The following MSR1 variants were observed in gnomAD, a reference collection of about 807,000 sequenced individuals.
The protein encoded by MSR1 is macrophage scavenger receptor types I and II.
In MSR1, 53 loss-of-function variants were observed where a neutral mutation model predicts 47.2. That is an observed-to-expected ratio of 1.12 (90% confidence interval 0.90 to 1.41). The LOEUF is 1.41. Ranked by LOEUF, MSR1 falls within the 40% of genes most tolerant of loss-of-function variation. MSR1 has a pLI of 0.00. For synonymous variants in MSR1, 239 were observed against 185.6 expected (o/e 1.29, Z -2.34); for missense variants, 786 against 546.9 (o/e 1.44, Z -4.36).
intron 8 of MSR1, among the ~76,000 whole-genome samples, chr8:16,125,287 C>T (rs1282162789): frequency 6.6e-6 from 1 of 152,134 alleles, no homozygotes; most frequent in Non-Finnish European, 1.5e-5. Context: ...ACTTTCTCCC[C>T]TTGGGAAATC....
intron 7 of MSR1, among the ~76,000 whole-genome samples, chr8:16,148,451 G>A (rs1015373863): frequency 4.7e-5 from 7 of 150,532 alleles, no homozygotes; most frequent in East Asian, 3.9e-4. Context: ...GCTGCTTTAC[G>A]TAGAATTTCT....
At chr8:16,168,892 A>C (rs751025236) in intron 3 of MSR1, 22 bp from the exon 4 acceptor site, 6 of 1,607,798 alleles carry the variant, frequency 3.7e-6, no homozygotes, top group South Asian at 1.1e-5. Flanking sequence ...AGTAAAAATA[A>C]ACCAGTCATG....
At chr8:16,139,470 TA>T in intron 8 of MSR1, 1 of 982,282 alleles carries the variant, frequency 1.0e-6, no homozygotes, top group Non-Finnish European at 1.2e-6. Flanking sequence ...GCATACCATC[TA>T]GAGTTCTACT....
intron 1 of MSR1, among the ~76,000 whole-genome samples, chr8:16,181,860 T>C (rs1489976053): frequency 6.6e-6 from 1 of 152,022 alleles, no homozygotes; most frequent in Admixed American, 6.6e-5. Context: ...TATGTACTAA[T>C]GCTTTTTAAC....
intron 8 of MSR1, chr8:16,140,594 G>C: frequency 5.6e-6 from 6 of 1,078,518 alleles, no homozygotes; most frequent in Non-Finnish European, 6.8e-6. Context: ...TTGCTTGACT[G>C]AAACATCACT....
chr8:16,173,621 A>G (rs1801552780), intron 3 of MSR1, among the ~76,000 whole-genome samples: 2 of 152,046 alleles, frequency 1.3e-5, no homozygotes, highest in South Asian at 4.2e-4. Context: ...TTACCTCTAG[A>G]AAATATTTTC....
intron 3 of MSR1, among the ~76,000 whole-genome samples, chr8:16,169,515 T>C (rs1801420522): frequency 6.6e-6 from 1 of 152,130 alleles, no homozygotes; most frequent in South Asian, 2.1e-4. Flanking sequence ...TTTTAACTAT[T>C]ATAAAATATA....
intron 8 of MSR1, among the ~76,000 whole-genome samples, chr8:16,124,167 G>C (rs902273986): frequency 6.6e-6 from 1 of 152,170 alleles, no homozygotes; most frequent in African/African-American, 2.4e-5. Context: ...CCCACCTGTG[G>C]ACTGGACAAA....
intron 5 of MSR1, among the ~76,000 whole-genome samples, chr8:16,163,675 T>C (rs547959743): frequency 2.0e-5 from 3 of 151,804 alleles, no homozygotes; most frequent in African/African-American, 7.2e-5. Flanking sequence ...AAAGATCCTT[T>C]TAATTAATAA....
chr8:16,123,943 C>G (rs12114424), intron 8 of MSR1, among the ~76,000 whole-genome samples: 5,638 of 152,132 alleles, frequency 0.037, 205 homozygotes, highest in East Asian at 0.12. Context: ...AGCTAGATAT[C>G]TTTGCTCTCC....
chr8:16,159,715 G>C (rs984297918), intron 5 of MSR1, among the ~76,000 whole-genome samples: 9 of 151,912 alleles, frequency 5.9e-5, no homozygotes, highest in Non-Finnish European at 1.2e-4. Context: ...TTCTCGAAGA[G>C]AATATGAGAT....
Position 16,108,380 on chromosome 8 carries a change from C to T in MSR1, c.*1705G>A, listed in dbSNP as rs1351978775. On this transcript the variant is annotated 3_prime_UTR_variant, in exon 10 of 10. Transcript: ENST00000262101. ...ACCCATAGGCACTGATTTCAGACAT[C>T]CCATGCATACCACTTACGCATAAGT... is the stretch of plus-strand genomic sequence containing the variant. 6.6e-6 allele frequency: 1 copy of T among 151,264 alleles called. No individual in the cohort carries two copies. Among genetic ancestry groups the T allele is most frequent in the East Asian group, 2.0e-4 (1 of 5,064 alleles). 9.4% of individuals were successfully genotyped at this position (151,264 alleles called of 1,614,324 possible).
intron 8 of MSR1, among the ~76,000 whole-genome samples, chr8:16,138,374 G>A (rs975870618): frequency 3.9e-5 from 6 of 152,154 alleles, no homozygotes; most frequent in African/African-American, 9.6e-5. Context: ...TATGACTAGC[G>A]TTAGAGCTTA....
intron 1 of MSR1, among the ~76,000 whole-genome samples, chr8:16,188,050 A>G (rs1253178998): frequency 6.6e-6 from 1 of 152,162 alleles, no homozygotes; most frequent in Non-Finnish European, 1.5e-5. Context: ...AGCTTCACAT[A>G]AAGTTACTCT....
intron 8 of MSR1, chr8:16,121,185 A>T (rs1297804156): frequency 2.4e-6 from 1 of 415,282 alleles, no homozygotes; most frequent in Non-Finnish European, 4.8e-6. Context: ...TGGATTCTGT[A>T]ACAAAGATTT....
intron 2 of MSR1, among the ~76,000 whole-genome samples, chr8:16,175,504 AC>A (rs1801620456): frequency 6.6e-6 from 1 of 152,224 alleles, no homozygotes; most frequent in South Asian, 2.1e-4. Context: ...CACTTGACTG[AC>A]TTATCCACTC....
chr8:16,173,833 T>C (rs1378461473), intron 3 of MSR1, among the ~76,000 whole-genome samples: 1 of 152,114 alleles, frequency 6.6e-6, no homozygotes, highest in Admixed American at 6.5e-5. Context: ...GTATTTTTAG[T>C]AGAGACGGGT....
At position 16,150,138 on chromosome 8, in the gene MSR1, G is replaced by A. The variant is rs200029305; in HGVS notation, c.979+93C>T. 1,005 of 177,078 alleles carry A rather than the reference G, an allele frequency of 5.7e-3. 13 individuals carry two copies. Among genetic ancestry groups the A allele is most frequent in the African/African-American group, 0.047 (931 of 19,886 alleles). 11.0% of individuals were successfully genotyped at this position (177,078 alleles called of 1,614,324 possible). On this transcript the variant is annotated intron_variant, in intron 7 of 9. Transcript: ENST00000262101. ...ATTATGTGTGTGTGTATGTGTGTGTGTGTATATATATATATATATATATAT... is the reference window on the plus strand; with the variant it reads ...ATTATGTGTGTGTGTATGTGTGTGTATGTATATATATATATATATATATAT...
At chr8:16,142,121 G>A (rs1257571355) in intron 8 of MSR1, among the ~76,000 whole-genome samples, 1 of 151,938 alleles carries the variant, frequency 6.6e-6, no homozygotes, top group African/African-American at 2.4e-5. Context: ...ATGAGGTCAG[G>A]GGATCGAGAC....
Sources: gnomAD v4.1 joint callset for allele counts (sites outside exome capture counted in the v4.1 genomes callset) on GRCh38, gnomAD v4.1.1 for gene constraint, MANE v1.5 for transcripts, NCBI Gene and HGNC (gene_info 2026-07-23, HGNC 2026-07-21) for gene names.